Variants in USP47 observed in about 807,000 individuals in gnomAD.
The protein encoded by USP47 is ubiquitin specific peptidase 47.
Under a neutral mutation model 165.1 loss-of-function variants are expected in USP47, and 35 were observed. The ratio of observed to expected loss-of-function variants is 0.21; its 90% CI spans 0.16 to 0.28. The LOEUF (loss-of-function observed/expected upper bound fraction) is 0.28. USP47 is among the 10% of genes least tolerant of loss of function. USP47 has a pLI of 1.00. For missense variants in USP47, 1,277 were observed against 1,607.4 expected (o/e 0.79, Z 3.52); for synonymous variants, 531 against 544.5 (o/e 0.98, Z 0.35).
Position 11,942,445 on chromosome 11 carries a change from A to G in USP47, c.2424A>G (p.Leu808=). The G allele has an allele frequency of 6.8e-6, 11 of 1,613,646 alleles. No homozygotes were observed. The highest frequency in any genetic ancestry group is 9.3e-6 in the Non-Finnish European group (11 of 1,179,724). ...HANTIRLFVL[L]PEQSPVSYSK... ...ATACAATCAGATTATTTGTTTTGCT[A>G]CCTGAACAATCCCCAGTATCTTATT... Residue 808 remains leucine (L), a synonymous_variant, in exon 20 of 28, where the codon CTA becomes CTG. Coordinates refer to ENST00000527733, the MANE Select transcript of USP47 (RefSeq NM_001282659.2).
intron 8 of USP47, among the ~76,000 whole-genome samples, chr11:11,918,027 C>G (rs528744791): frequency 4.6e-5 from 7 of 152,056 alleles, no homozygotes; most frequent in Admixed American, 2.6e-4. Context: ...GCTTATTAGC[C>G]GCGAGAGTAA....
At chr11:11,949,319 T>A (rs1472860268) in intron 22 of USP47, among the ~76,000 whole-genome samples, 2 of 152,172 alleles carry the variant, frequency 1.3e-5, no homozygotes, top group African/African-American at 2.4e-5. Flanking sequence ...TGTTATAACA[T>A]TCTGTTATAA....
intron 2 of USP47, among the ~76,000 whole-genome samples, chr11:11,883,724 C>T (rs1029045582): frequency 6.6e-6 from 1 of 152,176 alleles, no homozygotes; most frequent in Non-Finnish European, 1.5e-5. Flanking sequence ...AGAGTTTCCT[C>T]TCTCATCCAC....
Position 11,948,566 on chromosome 11 carries a change from A to G in USP47, c.3348+8A>G. 1 of 1,593,404 alleles carries G rather than the reference A, an allele frequency of 6.3e-7. No homozygotes were observed. Among genetic ancestry groups the G allele is most frequent in the Non-Finnish European group, 8.6e-7 (1 of 1,161,938 alleles). Reference sequence around the variant, plus strand: ...TTGGTCAATGAACAAGAGGTAAGTAATACGTTTAAGAATAATATAAGGTTA... The same window carrying G: ...TTGGTCAATGAACAAGAGGTAAGTAGTACGTTTAAGAATAATATAAGGTTA... On this transcript the variant is annotated splice_region_variant and intron_variant, in intron 22 of 27. Coordinates refer to ENST00000527733, the MANE Select transcript of USP47 (RefSeq NM_001282659.2).
intron 18 of USP47, among the ~76,000 whole-genome samples, chr11:11,940,106 T>TA (rs1855361215): frequency 6.6e-6 from 1 of 152,040 alleles, no homozygotes; most frequent in South Asian, 2.1e-4. Flanking sequence ...AAAAGTCAGT[T>TA]ACGCAGTTTC....
At chr11:11,846,172 A>G (rs533669703) in intron 1 of USP47, among the ~76,000 whole-genome samples, 1 of 152,178 alleles carries the variant, frequency 6.6e-6, no homozygotes, top group East Asian at 1.9e-4. Context: ...GAATTGTAGT[A>G]TATTGATTTC....
At chr11:11,883,795 G>C (rs562252454) in intron 2 of USP47, among the ~76,000 whole-genome samples, 9 of 152,254 alleles carry the variant, frequency 5.9e-5, no homozygotes, top group African/African-American at 1.9e-4. Context: ...TAAGTTAGGT[G>C]AAGACTTGAC....
chr11:11,907,633 G>A (rs1852655562), intron 8 of USP47, among the ~76,000 whole-genome samples: 1 of 152,046 alleles, frequency 6.6e-6, no homozygotes, highest in Admixed American at 6.5e-5. Flanking sequence ...AATTTGACAT[G>A]CTTTAAAAAG....
intron 1 of USP47, among the ~76,000 whole-genome samples, chr11:11,862,388 G>A (rs919340001): frequency 1.3e-5 from 2 of 151,298 alleles, no homozygotes; most frequent in Admixed American, 6.6e-5. Context: ...AAGCACAATC[G>A]TGCATAAGAA....
chr11:11,852,867 T>A (rs1848806138), intron 1 of USP47, among the ~76,000 whole-genome samples: 1 of 152,212 alleles, frequency 6.6e-6, no homozygotes, highest in African/African-American at 2.4e-5. Flanking sequence ...TAGTTGCTGT[T>A]CCTCAGATGT....
At chr11:11,858,103 G>A (rs1284790613) in intron 1 of USP47, among the ~76,000 whole-genome samples, 2 of 152,292 alleles carry the variant, frequency 1.3e-5, no homozygotes, top group African/African-American at 4.8e-5. Flanking sequence ...AGCCGCTGCT[G>A]GTGCAGTTCC....
intron 17 of USP47, 143 bp downstream of exon 17, chr11:11,936,653 C>G (rs1855095298): frequency 1.6e-6 from 1 of 619,034 alleles, no homozygotes; most frequent in African/African-American, 1.9e-5. Context: ...TTGAGAAGTA[C>G]TCAGCAACAG....
intron 16 of USP47, among the ~76,000 whole-genome samples, chr11:11,935,420 G>T (rs1306999388): frequency 6.6e-6 from 1 of 151,846 alleles, no homozygotes; most frequent in Non-Finnish European, 1.5e-5. Context: ...TAAATATAAT[G>T]GTGGACTGCA....
At chr11:11,897,075 T>G (rs1057123638) in intron 4 of USP47, among the ~76,000 whole-genome samples, 11 of 150,416 alleles carry the variant, frequency 7.3e-5, no homozygotes, top group African/African-American at 2.7e-4. Flanking sequence ...TGAGTTTGCA[T>G]GTAGTGAATT....
intron 20 of USP47, among the ~76,000 whole-genome samples, chr11:11,945,160 A>G (rs1231094660): frequency 6.6e-6 from 1 of 152,148 alleles, no homozygotes; most frequent in Admixed American, 6.6e-5. Context: ...ACCCCGGAAA[A>G]TGTCTTCTCA....
At chr11:11,857,910 T>G (rs1379631511) in intron 1 of USP47, among the ~76,000 whole-genome samples, 1 of 152,206 alleles carries the variant, frequency 6.6e-6, no homozygotes, top group African/African-American at 2.4e-5. Context: ...GTAACTTCAC[T>G]TCAGCCTCTG....
chr11:11,953,920 G>A (rs939439607), intron 25 of USP47, among the ~76,000 whole-genome samples: 1 of 151,934 alleles, frequency 6.6e-6, no homozygotes, highest in Non-Finnish European at 1.5e-5. Flanking sequence ...TCAGTATTTC[G>A]GATTTGCAAT....
chr11:11,863,993 A>T (rs1849525123), intron 1 of USP47, among the ~76,000 whole-genome samples: 1 of 152,150 alleles, frequency 6.6e-6, no homozygotes, highest in Non-Finnish European at 1.5e-5. Flanking sequence ...TCTGGGTTCT[A>T]ATTGTACTAC....
chr11:11,914,050 T>G (rs549048142), intron 8 of USP47, among the ~76,000 whole-genome samples: 66 of 152,188 alleles, frequency 4.3e-4, no homozygotes, highest in African/African-American at 1.5e-3. Context: ...AAAATGTATA[T>G]GGAAGCCTAA....
Sources: allele counts gnomAD v4.1 joint callset (sites outside exome capture counted in the v4.1 genomes callset), GRCh38; gene constraint gnomAD v4.1.1; transcripts MANE v1.5; gene names NCBI Gene and HGNC (gene_info 2026-07-23, HGNC 2026-07-21).